NFATC3: variants seen among roughly 807,000 people sequenced by gnomAD.
NFATC3 encodes nuclear factor of activated T-cells, cytoplasmic 3.
NFATC3 carries 46 observed loss-of-function variants against 98.6 expected under a neutral mutation model. The ratio of observed to expected loss-of-function variants is 0.47; its 90% confidence interval spans 0.37 to 0.60. The LOEUF (loss-of-function observed/expected upper bound fraction) is 0.60, where lower values mean the gene tolerates loss of function less well. Among genes scored for constraint, NFATC3 ranks in the 20% least tolerant of loss-of-function variants. The probability of loss-of-function intolerance (pLI) is 0.00; values close to 1 mark genes in which losing one functional copy is unlikely to be tolerated. For synonymous variants in NFATC3, 512 were observed against 472.2 expected (o/e 1.08, Z -1.09); for missense variants, 1,256 against 1,295.5 (o/e 0.97, Z 0.47).
chr16:68,088,801 T>C lies in NFATC3; in HGVS notation c.103+3017T>C, dbSNP rs575204288. The C allele has an allele frequency of 6.6e-3, 1,264 of 191,456 alleles. 17 individuals are homozygous for C. The highest frequency in any genetic ancestry group is 0.028 in the African/African-American group (1,179 of 42,130). 11.9% of individuals were successfully genotyped at this position (191,456 alleles called of 1,614,324 possible). ...CTCCTGCCTCAGCCTCCCAAAGTGGTGGGATTACAGGCATGGGCCACTGCA... is the reference window on the plus strand; with the variant it reads ...CTCCTGCCTCAGCCTCCCAAAGTGGCGGGATTACAGGCATGGGCCACTGCA... On this transcript the variant is annotated intron_variant, in intron 1 of 9. Transcript: ENST00000346183.
At chr16:68,115,726 A>G (rs945273351) in intron 1 of NFATC3, among the ~76,000 whole-genome samples, 27 of 151,190 alleles carry the variant, frequency 1.8e-4, no homozygotes, top group African/African-American at 6.6e-4. Context: ...TACCTGGCCG[A>G]TTGTTTTTTT....
intron 9 of NFATC3, among the ~76,000 whole-genome samples, chr16:68,208,678 C>T (rs1333924522): frequency 6.6e-6 from 1 of 151,218 alleles, no homozygotes; most frequent in African/African-American, 2.4e-5. Context: ...TGGAGTGAAC[C>T]AAGATTATGC....
chr16:68,205,637 G>C (rs951653868), intron 9 of NFATC3, among the ~76,000 whole-genome samples: 1 of 152,078 alleles, frequency 6.6e-6, no homozygotes, highest in Non-Finnish European at 1.5e-5. Flanking sequence ...ATACTCCATT[G>C]TCCTCTGTAG....
intron 9 of NFATC3, among the ~76,000 whole-genome samples, chr16:68,205,997 A>G (rs534254609): frequency 5.3e-5 from 8 of 151,798 alleles, no homozygotes; most frequent in East Asian, 1.9e-4. Flanking sequence ...TCCCAAATCT[A>G]TGATCTCTTT....
chr16:68,222,183 G>A (rs139342700), intron 9 of NFATC3, among the ~76,000 whole-genome samples: 33 of 149,508 alleles, frequency 2.2e-4, no homozygotes, highest in Non-Finnish European at 4.0e-4. Flanking sequence ...GCACATGCCT[G>A]TAGGCCCAGC....
At chr16:68,132,761 A>G (rs2151521676) in intron 3 of NFATC3, among the ~76,000 whole-genome samples, 1 of 152,382 alleles carries the variant, frequency 6.6e-6, no homozygotes, top group Admixed American at 6.5e-5. Flanking sequence ...GAAATAAGTC[A>G]GGCACAGAAA....
chr16:68,126,172 C>T (rs889748476), intron 2 of NFATC3, among the ~76,000 whole-genome samples: 4 of 152,170 alleles, frequency 2.6e-5, no homozygotes, highest in Non-Finnish European at 5.9e-5. Flanking sequence ...GCATGAGCCA[C>T]CGCACCTGGC....
At chr16:68,146,748 A>G (rs1567519958) in intron 3 of NFATC3, among the ~76,000 whole-genome samples, 1 of 152,228 alleles carries the variant, frequency 6.6e-6, no homozygotes, top group Non-Finnish European at 1.5e-5. Context: ...CTCCAGCTTT[A>G]GTTAAATTAA....
intron 5 of NFATC3, among the ~76,000 whole-genome samples, chr16:68,169,450 C>T (rs953859256): frequency 1.3e-5 from 2 of 151,706 alleles, no homozygotes; most frequent in African/African-American, 4.8e-5. Flanking sequence ...TGCATTTTTC[C>T]CCATGTTGCC....
intron 1 of NFATC3, among the ~76,000 whole-genome samples, chr16:68,098,303 T>A (rs60655599): frequency 0.03 from 3,481 of 117,626 alleles, 52 homozygotes; most frequent in South Asian, 0.051. Context: ...TATTATTATT[T>A]TTTTTTTTTT....
chr16:68,088,462 TTA>T (rs1340361112), intron 1 of NFATC3, among the ~76,000 whole-genome samples: 1 of 123,718 alleles, frequency 8.1e-6, no homozygotes, highest in Non-Finnish European at 1.7e-5. Context: ...ATGCATATAA[TTA>T]TATATAATAT....
At chr16:68,149,754 C>T (rs1391519026) in intron 3 of NFATC3, among the ~76,000 whole-genome samples, 1 of 152,026 alleles carries the variant, frequency 6.6e-6, no homozygotes, top group Non-Finnish European at 1.5e-5. Flanking sequence ...ACTTGTAAGG[C>T]AGACAAAGGG....
At chr16:68,091,438 A>G (rs2151440736) in intron 1 of NFATC3, among the ~76,000 whole-genome samples, 1 of 152,324 alleles carries the variant, frequency 6.6e-6, no homozygotes, top group African/African-American at 2.4e-5. Flanking sequence ...TATTTTTTAA[A>G]TGAAATGGAA....
chr16:68,170,421 G>A (rs1228289199), intron 5 of NFATC3, among the ~76,000 whole-genome samples: 1 of 144,366 alleles, frequency 6.9e-6, no homozygotes. Context: ...ATGGTACAAA[G>A]AATAGTATAA....
intron 3 of NFATC3, among the ~76,000 whole-genome samples, chr16:68,129,870 T>G (rs1026277372): frequency 6.6e-6 from 1 of 151,898 alleles, no homozygotes; most frequent in East Asian, 1.9e-4. Context: ...GTGGAGACAG[T>G]CTTGATTTGT....
rs576914300 is a variant in NFATC3 at position 68,184,357 on chromosome 16, A to G, written c.2098+991A>G. ...ATGGATTAAGATGGATGTAGATGAA[A>G]AAAGTTTGTAGATTTAGTAATGGAG... is the stretch of plus-strand genomic sequence containing the variant. On this transcript the variant is annotated intron_variant, in intron 8 of 9. Transcript: ENST00000346183. Among the ~76,000 whole-genome samples, 56 of 152,302 alleles carry G rather than the reference A, an allele frequency of 3.7e-4. No homozygotes were observed. The South Asian group carries it at 7.3e-3, about 20-fold the overall frequency.
intron 9 of NFATC3, among the ~76,000 whole-genome samples, chr16:68,196,847 A>C (rs566884339): frequency 1.3e-5 from 2 of 152,208 alleles, no homozygotes; most frequent in South Asian, 2.1e-4. Flanking sequence ...CCTGACCAAC[A>C]TGGAGAAACC....
At chr16:68,194,522 T>A (rs1005989315) in intron 9 of NFATC3, among the ~76,000 whole-genome samples, 3 of 152,224 alleles carry the variant, frequency 2.0e-5, no homozygotes, top group Non-Finnish European at 4.4e-5. Flanking sequence ...AATAAAGGCT[T>A]ACGCAAATAT....
chr16:68,197,511 T>A (rs920800621), intron 9 of NFATC3, among the ~76,000 whole-genome samples: 17 of 152,288 alleles, frequency 1.1e-4, no homozygotes, highest in African/African-American at 4.1e-4. Flanking sequence ...TCCCAGTTAC[T>A]GAGGAAGGCT....
Sources: gnomAD v4.1 joint callset for allele counts (sites outside exome capture counted in the v4.1 genomes callset) on GRCh38, gnomAD v4.1.1 for gene constraint, MANE v1.5 for transcripts, NCBI Gene and HGNC (gene_info 2026-07-23, HGNC 2026-07-21) for gene names.